B3GAT2: variants seen among roughly 807,000 people sequenced by gnomAD.
B3GAT2 encodes the protein galactosylgalactosylxylosylprotein 3-beta-glucuronosyltransferase 2.
A neutral mutation model predicts 27.8 loss-of-function variants in B3GAT2; 26 were observed. That is an observed-to-expected ratio of 0.93 (90% confidence interval 0.68 to 1.30). The LOEUF (loss-of-function observed/expected upper bound fraction) is 1.30, where lower values mean the gene tolerates loss of function less well. Ranked by LOEUF, B3GAT2 falls within the 50% of genes most tolerant of loss-of-function variation. The pLI is 0.00. For missense variants in B3GAT2, 458 were observed against 459.0 expected (o/e 1.00, Z 0.02); for synonymous variants, 218 against 195.1 (o/e 1.12, Z -0.98).
At chr6:70,952,579 G>A (rs78983701) in intron 1 of B3GAT2, among the ~76,000 whole-genome samples, 7,019 of 152,180 alleles carry the variant, frequency 0.046, 185 homozygotes, top group Middle Eastern at 0.065. Flanking sequence ...CTTTTCCAGA[G>A]AGGGAGATGG....
intron 1 of B3GAT2, among the ~76,000 whole-genome samples, chr6:70,955,603 G>T (rs1765641624): frequency 6.6e-6 from 1 of 152,190 alleles, no homozygotes. Context: ...CCCCAGGGCA[G>T]ACTCCCGCCC....
chr6:70,944,636 A>G (rs1166529777), intron 1 of B3GAT2, among the ~76,000 whole-genome samples: 1 of 150,570 alleles, frequency 6.6e-6, no homozygotes, highest in African/African-American at 2.4e-5. Context: ...TCCACCTCTG[A>G]GGACAGGGCA....
In B3GAT2 at chr6:70,857,801, C is replaced by T; in HGVS notation, c.*3862G>A. The T allele has an allele frequency of 8.8e-7, 1 of 1,133,878 alleles. No individual in the cohort carries two copies. Among genetic ancestry groups the T allele is most frequent in the Non-Finnish European group, 1.2e-6 (1 of 806,892 alleles). 70.2% of individuals were successfully genotyped at this position (1,133,878 alleles called of 1,614,324 possible). On this transcript the variant is annotated 3_prime_UTR_variant, in exon 4 of 4. Coordinates refer to ENST00000230053, the MANE Select transcript of B3GAT2 (RefSeq NM_080742.3). ...GGTTGGTCTGAGTAGTAGGAGCAGCCAAACTGGAATTAAAATGTTTGCTGT... is the reference window on the plus strand; with the variant it reads ...GGTTGGTCTGAGTAGTAGGAGCAGCTAAACTGGAATTAAAATGTTTGCTGT...
At chr6:70,862,610 G>GT (rs368518032) in intron 2 of B3GAT2, among the ~76,000 whole-genome samples, 9 of 151,566 alleles carry the variant, frequency 5.9e-5, no homozygotes, top group South Asian at 2.1e-4. Flanking sequence ...ATCTGATAAA[G>GT]TTTTTTTTTG....
chr6:70,956,080 T>G lies in B3GAT2; in HGVS notation c.350A>C (p.Glu117Ala). 3 of 1,589,132 alleles carry G rather than the reference T, an allele frequency of 1.9e-6. No homozygotes were observed. The highest frequency in any genetic ancestry group is 2.6e-6 in the Non-Finnish European group (3 of 1,171,474). The part of the protein sequence containing the change: ...QVAQLHWILV[E>A]DAAARSELVS... ...CAGCTCGCTGCGCGCCGCCGCGTCC[T>G]CCACCAGGATCCAGTGCAGCTGCGC... The change falls in exon 1 of 4, where the codon GAG becomes GCG. Residue 117 changes from glutamate (E) to alanine (A), a missense_variant. Transcript: ENST00000230053.
rs1162255535 is a variant in B3GAT2, at chr6:70,956,639, G to A, written c.-210C>T. 4.2e-6 allele frequency: 6 copies of A among 1,413,984 alleles called. No homozygotes were observed. Among genetic ancestry groups the A allele is most frequent in the East Asian group, 2.7e-5 (1 of 36,994 alleles). The allele number at this position is 1,413,984 out of a possible 1,614,324, so 87.6% of individuals were successfully genotyped here. ...GGTTCGCGCAAGCTAGAGCGACAAGGGGTGCAGGCGGGCGGGCAGGGGCTG... is the reference window on the plus strand; with the variant it reads ...GGTTCGCGCAAGCTAGAGCGACAAGAGGTGCAGGCGGGCGGGCAGGGGCTG... On this transcript the variant is annotated 5_prime_UTR_variant, in exon 1 of 4. Transcript: ENST00000230053.
intron 1 of B3GAT2, among the ~76,000 whole-genome samples, chr6:70,923,686 C>A (rs751284244): frequency 2.0e-5 from 3 of 152,118 alleles, no homozygotes; most frequent in Non-Finnish European, 4.4e-5. Context: ...AATAATAAAA[C>A]CCTGCTTAGA....
intron 1 of B3GAT2, among the ~76,000 whole-genome samples, chr6:70,913,856 T>A (rs1772726675): frequency 6.6e-6 from 1 of 152,186 alleles, no homozygotes; most frequent in Non-Finnish European, 1.5e-5. Flanking sequence ...TCTCTAAGAA[T>A]TTGTTCTATG....
At chr6:70,918,956 G>A (rs1772822383) in intron 1 of B3GAT2, among the ~76,000 whole-genome samples, 1 of 152,128 alleles carries the variant, frequency 6.6e-6, no homozygotes, top group Non-Finnish European at 1.5e-5. Context: ...TGCTAGGTTG[G>A]GGAAGTTCTC....
At chr6:70,947,786 A>G (rs1275962813) in intron 1 of B3GAT2, among the ~76,000 whole-genome samples, 2 of 152,126 alleles carry the variant, frequency 1.3e-5, no homozygotes, top group Non-Finnish European at 2.9e-5. Flanking sequence ...CAAAAAAGAG[A>G]ATTTTAGACC....
In B3GAT2 at chr6:70,945,812, C is replaced by T. The variant is rs1202941106; in HGVS notation, c.591+10027G>A. Among the ~76,000 whole-genome samples, 4 of 151,352 alleles carry T rather than the reference C, an allele frequency of 2.6e-5. No homozygotes were observed. The East Asian group carries it at 7.8e-4, about 29-fold the overall frequency. ...GAAATGAAGGAAAAAATGGTAAGGGCAGCCAGAGAGAAAGGTCGGGTTACC... is the reference window on the plus strand; with the variant it reads ...GAAATGAAGGAAAAAATGGTAAGGGTAGCCAGAGAGAAAGGTCGGGTTACC... On this transcript the variant is annotated intron_variant, in intron 1 of 3. Transcript: ENST00000230053.
At chr6:70,879,161 T>A (rs530436276) in intron 2 of B3GAT2, among the ~76,000 whole-genome samples, 1 of 152,116 alleles carries the variant, frequency 6.6e-6, no homozygotes, top group Non-Finnish European at 1.5e-5. Flanking sequence ...TCACTTTGGC[T>A]AAAGCGCTTT....
chr6:70,956,938 G>A lies in B3GAT2; in HGVS notation c.-509C>T. The A allele has an allele frequency of 3.0e-6, 3 of 1,015,414 alleles. No individual in the cohort carries two copies. The highest frequency in any genetic ancestry group is 3.5e-6 in the Non-Finnish European group (3 of 850,086). The allele number at this position is 1,015,414 out of a possible 1,614,324, so 62.9% of individuals were successfully genotyped here. A position where few individuals can be genotyped will look rare whatever the true frequency, so the allele number is the denominator to read the frequency against. On this transcript the variant is annotated 5_prime_UTR_variant, in exon 1 of 4. Coordinates refer to ENST00000230053, the MANE Select transcript of B3GAT2 (RefSeq NM_080742.3). The stretch of plus-strand genomic sequence containing the variant: ...GGCTTTCCTTCCTCACATTCCCGCC[G>A]GGGTGGCGAGGAGCGGGTGGAGACG...
At chr6:70,946,965 C>T (rs1237054219) in intron 1 of B3GAT2, among the ~76,000 whole-genome samples, 1 of 152,120 alleles carries the variant, frequency 6.6e-6, no homozygotes, top group Non-Finnish European at 1.5e-5. Flanking sequence ...ACTGAACAAC[C>T]TGCTCCTGAA....
chr6:70,887,313 T>C (rs1387806977), intron 2 of B3GAT2, among the ~76,000 whole-genome samples: 2 of 152,136 alleles, frequency 1.3e-5, no homozygotes, highest in African/African-American at 4.8e-5. Context: ...TTGACAAACA[T>C]TGAGATGAAG....
intron 1 of B3GAT2, among the ~76,000 whole-genome samples, chr6:70,908,789 A>C (rs1033958805): frequency 1.3e-5 from 2 of 152,192 alleles, no homozygotes; most frequent in Non-Finnish European, 2.9e-5. Flanking sequence ...GCAGGATAAA[A>C]TCTTATCTCT....
rs552414770 is a variant in B3GAT2 at position 70,898,785 on chromosome 6, A to G, written c.592-4513T>C. Among the ~76,000 whole-genome samples the G allele has an allele frequency of 3.3e-5, 5 of 152,246 alleles. No individual in the cohort carries two copies. The South Asian group carries it at 1.0e-3, about 32-fold the overall frequency. On this transcript the variant is annotated intron_variant, in intron 1 of 3. Coordinates refer to ENST00000230053, the MANE Select transcript of B3GAT2 (RefSeq NM_080742.3). ...AACTCTTGGCAAGTGTTTAAATACT[A>G]ATTAGTCATTTACATATGGGCCCAT...
chr6:70,911,966 G>T (rs1395307202), intron 1 of B3GAT2, among the ~76,000 whole-genome samples: 1 of 152,124 alleles, frequency 6.6e-6, no homozygotes, highest in Non-Finnish European at 1.5e-5. Flanking sequence ...TTAGTGTAAA[G>T]GAATGCAACT....
chr6:70,871,542 T>A (rs886405219), intron 2 of B3GAT2, among the ~76,000 whole-genome samples: 2 of 151,986 alleles, frequency 1.3e-5, no homozygotes, highest in African/African-American at 4.8e-5. Flanking sequence ...TTTAAAGTAT[T>A]CTCATAAAAT....
Sources: allele counts gnomAD v4.1 joint callset (sites outside exome capture counted in the v4.1 genomes callset), GRCh38; gene constraint gnomAD v4.1.1; transcripts MANE v1.5; gene names NCBI Gene and HGNC (gene_info 2026-07-23, HGNC 2026-07-21).